Variants in COL17A1 observed in about 807,000 individuals in gnomAD.
COL17A1 encodes the protein collagen type XVII alpha 1 chain, also known as collagen alpha-1(XVII) chain.
COL17A1 carries 181 observed loss-of-function variants against 218.4 expected under a neutral mutation model. That is an observed-to-expected ratio of 0.83 (90% CI 0.73 to 0.94). The LOEUF is 0.94. COL17A1 is among the 40% of genes least tolerant of loss of function. The pLI is 0.00. For synonymous variants in COL17A1, 721 were observed against 731.0 expected (o/e 0.99, Z 0.22); for missense variants, 1,924 against 1,945.9 (o/e 0.99, Z 0.21).
chr10:104,036,452 T>C (rs2134573508), intron 48 of COL17A1, 40 bp downstream of exon 48: 2 of 1,613,210 alleles, frequency 1.2e-6, no homozygotes, highest in East Asian at 4.5e-5. Context: ...ATCCCAGTCA[T>C]CCCAGGCCCT....
At chr10:104,036,714 C>A in intron 47 of COL17A1, 82 bp from the exon 48 acceptor site, 1 of 1,529,726 alleles carries the variant, frequency 6.5e-7, no homozygotes, top group South Asian at 1.2e-5. Flanking sequence ...CTGGGCTCCC[C>A]TGCACAAACT....
chr10:104,046,827 G>A, intron 31 of COL17A1, 54 bp from the exon 32 acceptor site: 5 of 1,567,544 alleles, frequency 3.2e-6, no homozygotes, highest in Non-Finnish European at 4.4e-6. Context: ...GCCATCCCTG[G>A]TAGCCACACC....
At chr10:104,063,586 T>G in intron 11 of COL17A1, 161 bp downstream of exon 11, 2 of 1,145,888 alleles carry the variant, frequency 1.7e-6, no homozygotes, top group Middle Eastern at 5.2e-4. Flanking sequence ...CCTTGGGGTC[T>G]GAGTTCTCCC....
At chr10:104,063,495 C>T (rs2086600309) in intron 11 of COL17A1, 1 of 546,274 alleles carries the variant, frequency 1.8e-6, no homozygotes, top group Admixed American at 2.7e-5. Flanking sequence ...TTCCAATCCT[C>T]CAACTCTTCC....
At chr10:104,040,586 A>ATAGG (rs2086349263) in intron 39 of COL17A1, among the ~76,000 whole-genome samples, 176 bp from the exon 40 acceptor site, 1 of 151,322 alleles carries the variant, frequency 6.6e-6, no homozygotes, top group Non-Finnish European at 1.5e-5. Context: ...GGATGGATGG[A>ATAGG]TGGATGGATG....
chr10:104,069,865 C>A (rs138330876), intron 9 of COL17A1, among the ~76,000 whole-genome samples: 1 of 151,840 alleles, frequency 6.6e-6, no homozygotes, highest in East Asian at 1.9e-4. Context: ...AACGTGACAA[C>A]GAACAGCTAA....
intron 7 of COL17A1, among the ~76,000 whole-genome samples, 163 bp from the exon 8 acceptor site, chr10:104,072,242 G>A (rs2086675589): frequency 6.6e-6 from 1 of 152,124 alleles, no homozygotes; most frequent in African/African-American, 2.4e-5. Flanking sequence ...TGCTTAAAAA[G>A]GGAGACCTCC....
intron 15 of COL17A1, 116 bp from the exon 16 acceptor site, chr10:104,058,306 G>A (rs982365037): frequency 4.7e-6 from 6 of 1,289,472 alleles, no homozygotes; most frequent in Admixed American, 3.9e-5. Flanking sequence ...TTTCAACGAC[G>A]TGCAGGAACA....
At position 104,038,392 on chromosome 10, in the gene COL17A1, G is replaced by A. The variant is rs1266050301; in HGVS notation, c.3070+14C>T. Reference sequence around the variant, plus strand: ...TGTTCTTGTCCCCACGGCTTGCGGCGGCCAGCTACTCACTCTGCATGTACT... The same window carrying A: ...TGTTCTTGTCCCCACGGCTTGCGGCAGCCAGCTACTCACTCTGCATGTACT... On this transcript the variant is annotated intron_variant, in intron 45 of 55. Coordinates refer to ENST00000648076, the MANE Select transcript of COL17A1 (RefSeq NM_000494.4). 20 of 1,613,300 alleles carry A rather than the reference G, an allele frequency of 1.2e-5. No individual in the cohort carries two copies. The highest frequency in any genetic ancestry group is 3.3e-5 in the Admixed American group (2 of 59,988).
rs969040141 is a variant in COL17A1, at chr10:104,080,098, A to AT, written c.52+523dup. Among the ~76,000 whole-genome samples the AT allele has an allele frequency of 1.5e-3, 218 of 150,294 alleles. 1 individual carries two copies. The highest frequency in any genetic ancestry group is 4.9e-3 in the African/African-American group (200 of 41,054). On this transcript the variant is annotated intron_variant, in intron 2 of 55. Coordinates refer to ENST00000648076, the MANE Select transcript of COL17A1 (RefSeq NM_000494.4). ...AAACTTTCAAGTCTATGGAGCCAGA[A>AT]TTTTTTTTTTATTGGAGATATATGA...
At chr10:104,069,981 T>C (rs1356391481) in intron 9 of COL17A1, among the ~76,000 whole-genome samples, 1 of 152,126 alleles carries the variant, frequency 6.6e-6, no homozygotes, top group Non-Finnish European at 1.5e-5. Flanking sequence ...CACTTAAAGC[T>C]AACTCTAAGG....
chr10:104,047,886 T>G, intron 30 of COL17A1, 76 bp from the exon 31 acceptor site: 1 of 1,441,396 alleles, frequency 6.9e-7, no homozygotes, highest in Non-Finnish European at 9.8e-7. Context: ...GAACTGATAG[T>G]TTCTGAGGGT....
chr10:104,045,849 C>G (rs970394384), intron 32 of COL17A1, 56 bp from the exon 33 acceptor site: 4 of 1,448,180 alleles, frequency 2.8e-6, no homozygotes, highest in Non-Finnish European at 3.9e-6. Context: ...TTCCAGATAC[C>G]CTTGGGTGGT....
intron 9 of COL17A1, among the ~76,000 whole-genome samples, chr10:104,067,584 C>T (rs1057134267): frequency 6.6e-6 from 1 of 152,078 alleles, no homozygotes; most frequent in Non-Finnish European, 1.5e-5. Flanking sequence ...AGGGGAGCCA[C>T]GGCATGGCTC....
Position 104,076,439 on chromosome 10 carries a change from G to A in COL17A1, c.203-10C>T. 6.2e-7 allele frequency: 1 copy of A among 1,613,894 alleles called. No homozygotes were observed. Among genetic ancestry groups the A allele is most frequent in the Non-Finnish European group, 8.5e-7 (1 of 1,179,842 alleles). On this transcript the variant is annotated splice_polypyrimidine_tract_variant and intron_variant, in intron 4 of 55. Coordinates refer to ENST00000648076, the MANE Select transcript of COL17A1 (RefSeq NM_000494.4). Reference sequence around the variant, plus strand: ...CCTCGTGTGCTTCCAGCTGCAAGAGGGAAAAAGCATAAGTTCTCAGTGCTT... The same window carrying A: ...CCTCGTGTGCTTCCAGCTGCAAGAGAGAAAAAGCATAAGTTCTCAGTGCTT...
At chr10:104,055,478 ACACAAT>A in intron 18 of COL17A1, 77 bp from the exon 19 acceptor site, 1 of 1,515,310 alleles carries the variant, frequency 6.6e-7, no homozygotes, top group Non-Finnish European at 9.1e-7. Context: ...ACACACACAC[ACACAAT>A]AAGGGGATCA....
rs2147269 is a variant in COL17A1, at chr10:104,043,322, A to G, written c.2515+179T>C. Among the ~76,000 whole-genome samples, 116,997 of 152,110 alleles carry G rather than the reference A, an allele frequency of 0.77. 45,965 individuals are homozygous for G. Among genetic ancestry groups the G allele is most frequent in the East Asian group, 0.94 (4,887 of 5,176 alleles). On this transcript the variant is annotated intron_variant, in intron 35 of 55. Transcript: ENST00000648076. ...TTCACCTCCTATGCTGTGAAGTAGGATAACTGATCTACCTCATTGTCTGAG... is the reference window on the plus strand; with the variant it reads ...TTCACCTCCTATGCTGTGAAGTAGGGTAACTGATCTACCTCATTGTCTGAG...
At chr10:104,035,200 A>G (rs2086263557) in intron 50 of COL17A1, 63 bp downstream of exon 50, 4 of 1,406,080 alleles carry the variant, frequency 2.8e-6, no homozygotes, top group East Asian at 2.4e-5. Flanking sequence ...GCTAAAGCCC[A>G]TGGGAGCCCC....
intron 4 of COL17A1, among the ~76,000 whole-genome samples, chr10:104,076,824 T>C (rs1253288477): frequency 6.6e-6 from 1 of 152,208 alleles, no homozygotes; most frequent in African/African-American, 2.4e-5. Context: ...TTAAATGGCT[T>C]CAGGGGCTAT....
Sources: gnomAD v4.1 joint callset for allele counts (sites outside exome capture counted in the v4.1 genomes callset) on GRCh38, gnomAD v4.1.1 for gene constraint, MANE v1.5 for transcripts, NCBI Gene and HGNC (gene_info 2026-07-23, HGNC 2026-07-21) for gene names.